ARHGAP6: variants seen among roughly 807,000 people sequenced by gnomAD.
ARHGAP6 encodes the protein rho GTPase-activating protein 6.
ARHGAP6 carries 16 observed loss-of-function variants against 55.7 expected under a neutral mutation model. The observed-to-expected ratio is 0.29, with a 90% CI of 0.19 to 0.44. The LOEUF (loss-of-function observed/expected upper bound fraction) is 0.44, where lower values mean the gene tolerates loss of function less well. ARHGAP6 is among the 20% of genes least tolerant of loss of function. ARHGAP6 has a pLI of 1.00. For synonymous variants in ARHGAP6, 382 were observed against 360.9 expected, an observed-to-expected ratio of 1.06 and a Z score of -0.66; for missense variants, 698 against 808.9, an observed-to-expected ratio of 0.86 and a Z score of 1.66.
intron 1 of ARHGAP6, chrX:11,296,877 T>G (rs762338830): frequency 8.6e-7 from 1 of 1,159,832 alleles, no homozygotes; most frequent in Admixed American, 2.2e-5. Context: ...AACAATGCCC[T>G]GGGCTCTGTA....
At chrX:11,654,247 G>A (rs1256337567) in intron 1 of ARHGAP6, among the ~76,000 whole-genome samples, 1 of 111,774 alleles carries the variant, frequency 8.9e-6, no homozygotes, top group Non-Finnish European at 1.9e-5. Context: ...AAACCCCTGA[G>A]AGATGAAGTT....
chrX:11,576,290 T>C (rs183890660), intron 1 of ARHGAP6, among the ~76,000 whole-genome samples: 2 of 112,307 alleles, frequency 1.8e-5, no homozygotes, highest in Admixed American at 1.9e-4. Context: ...GCAGTGACTA[T>C]ATTATTTTAT....
intron 1 of ARHGAP6, among the ~76,000 whole-genome samples, chrX:11,639,827 C>T (rs953583000): frequency 1.8e-5 from 2 of 110,701 alleles, no homozygotes; most frequent in Non-Finnish European, 1.9e-5. Context: ...CTGCTCCTGA[C>T]CCCCCACCAA....
intron 1 of ARHGAP6, among the ~76,000 whole-genome samples, chrX:11,453,919 G>T (rs1223812858): frequency 9.0e-6 from 1 of 110,774 alleles, no homozygotes; most frequent in African/African-American, 3.3e-5. Flanking sequence ...CCTTGGCTTT[G>T]TCTCATGCTG....
intron 1 of ARHGAP6, among the ~76,000 whole-genome samples, chrX:11,567,559 A>AC (rs1483216638): frequency 2.0e-5 from 2 of 98,775 alleles, no homozygotes; most frequent in African/African-American, 3.8e-5. Context: ...ATCTCAAAAA[A>AC]AAAAAAAATA....
chrX:11,455,002 A>G (rs764995887), intron 1 of ARHGAP6, among the ~76,000 whole-genome samples: 94 of 111,358 alleles, frequency 8.4e-4, no homozygotes, highest in Admixed American at 2.0e-3. Flanking sequence ...CTTTATTATA[A>G]ACATGGAAAC....
intron 1 of ARHGAP6, chrX:11,335,561 T>A (rs1230491875): frequency 2.5e-5 from 4 of 157,515 alleles, no homozygotes; most frequent in African/African-American, 9.4e-5. Context: ...TCACCCTTTT[T>A]TATGGCTGCA....
At chrX:11,355,018 G>A (rs749005222) in intron 1 of ARHGAP6, among the ~76,000 whole-genome samples, 1 of 111,777 alleles carries the variant, frequency 8.9e-6, no homozygotes, top group Non-Finnish European at 1.9e-5. Context: ...TTAGAAATTT[G>A]CATTTAAATT....
intron 1 of ARHGAP6, among the ~76,000 whole-genome samples, chrX:11,369,115 C>A (rs1246424379): frequency 9.0e-6 from 1 of 111,667 alleles, no homozygotes; most frequent in Non-Finnish European, 1.9e-5. Context: ...TCTACATGTG[C>A]ATTTCAGAAG....
intron 1 of ARHGAP6, among the ~76,000 whole-genome samples, chrX:11,303,957 G>C (rs754544444): frequency 3.6e-5 from 4 of 112,178 alleles, no homozygotes; most frequent in African/African-American, 1.3e-4. Flanking sequence ...TACAGTTCTT[G>C]TAATCAGAAA....
In ARHGAP6 at chrX:11,659,835, G is replaced by T. The variant is rs1194273682; in HGVS notation, c.588+4406C>A. ...CAGTCAGGCCAACACCTTGAAGTTAGCCCAGTGAAACCTGTTGGGATTTCT... is the reference window on the plus strand; with the variant it reads ...CAGTCAGGCCAACACCTTGAAGTTATCCCAGTGAAACCTGTTGGGATTTCT... On this transcript the variant is annotated intron_variant, in intron 1 of 12. Transcript: ENST00000337414. Among the ~76,000 whole-genome samples the T allele has an allele frequency of 3.6e-5, 4 of 112,061 alleles. No homozygotes were observed. In the East Asian group the frequency reaches 1.1e-3, roughly 31 times the overall value.
At chrX:11,469,013 C>G (rs2041300555) in intron 1 of ARHGAP6, among the ~76,000 whole-genome samples, 1 of 112,287 alleles carries the variant, frequency 8.9e-6, no homozygotes, top group African/African-American at 3.2e-5. Flanking sequence ...AGGCAGGCAT[C>G]TGCAAATCAG....
intron 1 of ARHGAP6, among the ~76,000 whole-genome samples, chrX:11,597,997 A>T (rs935496224): frequency 1.6e-4 from 18 of 112,242 alleles, no homozygotes; most frequent in Admixed American, 3.8e-4. Context: ...TGCATTGCTG[A>T]TGGGTCAAAT....
At chrX:11,193,377 T>C (rs189419343) in intron 3 of ARHGAP6, among the ~76,000 whole-genome samples, 4 of 112,752 alleles carry the variant, frequency 3.5e-5, no homozygotes, top group Non-Finnish European at 7.5e-5. Context: ...AATACGCAAC[T>C]GGAAGGAAAT....
At chrX:11,503,427 T>A (rs1452733590) in intron 1 of ARHGAP6, among the ~76,000 whole-genome samples, 1 of 111,753 alleles carries the variant, frequency 8.9e-6, no homozygotes, top group Non-Finnish European at 1.9e-5. Flanking sequence ...CTTGCCAGGG[T>A]TAGACTCCTG....
chrX:11,594,535 T>C (rs2051877994), intron 1 of ARHGAP6, among the ~76,000 whole-genome samples: 1 of 111,134 alleles, frequency 9.0e-6, no homozygotes, highest in Non-Finnish European at 1.9e-5. Context: ...AGGTGAGCGT[T>C]GCGTGAGTGA....
intron 1 of ARHGAP6, among the ~76,000 whole-genome samples, chrX:11,410,799 A>T (rs207478109): frequency 9.0e-6 from 1 of 110,841 alleles, no homozygotes; most frequent in African/African-American, 3.3e-5. Context: ...AGTCTTACTG[A>T]TTGCTATGAG....
intron 1 of ARHGAP6, among the ~76,000 whole-genome samples, chrX:11,317,881 A>G (rs957242363): frequency 3.6e-5 from 4 of 112,017 alleles, no homozygotes; most frequent in African/African-American, 1.3e-4. Flanking sequence ...AGCTAAAACC[A>G]ATGTCTATGT....
chrX:11,612,432 G>A (rs1322614625), intron 1 of ARHGAP6, among the ~76,000 whole-genome samples: 1 of 111,786 alleles, frequency 8.9e-6, no homozygotes, highest in Non-Finnish European at 1.9e-5. Context: ...TAAACGGAAT[G>A]TTTGTGTACC....
Sources: allele counts gnomAD v4.1 joint callset (sites outside exome capture counted in the v4.1 genomes callset), GRCh38; gene constraint gnomAD v4.1.1; transcripts MANE v1.5; gene names NCBI Gene and HGNC (gene_info 2026-07-23, HGNC 2026-07-21).